Variants in GALNT17 observed in about 807,000 individuals in gnomAD.
GALNT17 encodes UDP-GalNAc:polypeptide N-acetylgalactosaminyltransferase-like 3.
Under a neutral mutation model 63.7 loss-of-function variants are expected in GALNT17, and 29 were observed. That is an observed-to-expected ratio of 0.46 (90% CI 0.34 to 0.62). The LOEUF is 0.62. Among genes scored for constraint, GALNT17 ranks in the 20% least tolerant of loss-of-function variants. The pLI is 0.01. For synonymous variants in GALNT17, 305 were observed against 318.3 expected (o/e 0.96, Z 0.45); for missense variants, 603 against 799.6 (o/e 0.75, Z 2.97).
intron 6 of GALNT17, among the ~76,000 whole-genome samples, chr7:71,621,552 T>TTGTGG (rs1562713280): frequency 1.8e-5 from 2 of 109,458 alleles, no homozygotes; most frequent in African/African-American, 6.9e-5. Context: ...GATTGATGGA[T>TTGTGG]AGATGGATGG....
intron 1 of GALNT17, among the ~76,000 whole-genome samples, chr7:71,264,589 A>G (rs1394805977): frequency 6.6e-6 from 1 of 152,184 alleles, no homozygotes; most frequent in African/African-American, 2.4e-5. Flanking sequence ...GTGTCCAGCA[A>G]CAGAGGAATG....
intron 1 of GALNT17, among the ~76,000 whole-genome samples, chr7:71,271,786 G>A (rs564866828): frequency 1.8e-4 from 28 of 152,260 alleles, no homozygotes; most frequent in African/African-American, 5.5e-4. Flanking sequence ...TGGGGACAGG[G>A]TCTCACTCTG....
chr7:71,268,730 A>G (rs73370009), intron 1 of GALNT17, among the ~76,000 whole-genome samples: 3,730 of 152,098 alleles, frequency 0.025, 137 homozygotes, highest in African/African-American at 0.084. Context: ...TCTTGGGATC[A>G]CCTGAAATAG....
chr7:71,633,103 CAAAAAAAAA>C (rs71089970), intron 6 of GALNT17, among the ~76,000 whole-genome samples: 155 of 72,364 alleles, frequency 2.1e-3, no homozygotes, highest in Non-Finnish European at 3.2e-3. Flanking sequence ...GACTCTGTCT[CAAAAAAAAA>C]AAAAAAAAAA....
In GALNT17 at chr7:71,388,244, G is replaced by A. The variant is rs1792984882; in HGVS notation, c.432G>A (p.Glu144=). The A allele has an allele frequency of 1.2e-6, 2 of 1,613,720 alleles. No individual in the cohort carries two copies. Among genetic ancestry groups the A allele is most frequent in the Non-Finnish European group, 8.5e-7 (1 of 1,179,836 alleles). ...IPDYRPTKCK[E]LKYSKDLPQI... ...ATCTCTCCTTCCCCAGGTGTAAGGA[G>A]CTCAAGTACTCCAAGGACCTGCCCC... Residue 144 remains glutamate, a synonymous_variant, in exon 3 of 11, where the codon GAG becomes GAA. Transcript: ENST00000333538.
At chr7:71,273,968 A>G (rs530752147) in intron 1 of GALNT17, among the ~76,000 whole-genome samples, 111 of 152,364 alleles carry the variant, frequency 7.3e-4, no homozygotes, top group Admixed American at 2.9e-3. Context: ...GTGCACCCAC[A>G]GAAAAATGCC....
At chr7:71,377,105 AATAAAAAAAATATATATAT>A (rs1277218400) in intron 2 of GALNT17, among the ~76,000 whole-genome samples, 7 of 64,734 alleles carry the variant, frequency 1.1e-4, no homozygotes, top group African/African-American at 1.6e-4. Flanking sequence ...AAAAAATAAA[AATAAAAAAAATATATATAT>A]ATATATATAT....
rs1486007625 is a variant in GALNT17 at position 71,238,774 on chromosome 7, C to T, written c.239-96776C>T. The stretch of plus-strand genomic sequence containing the variant: ...CATTTATACCCTTGTTAATCCTCTC[C>T]CCTGGAATGTGGGTGGGACCTATTG... On this transcript the variant is annotated intron_variant, in intron 1 of 10. Transcript: ENST00000333538. 2.0e-5 allele frequency among the ~76,000 whole-genome samples: 3 copies of T among 152,152 alleles called. No homozygotes were observed. In the East Asian group the frequency reaches 5.8e-4, roughly 29 times the overall value.
At chr7:71,203,381 C>A (rs1174196032) in intron 1 of GALNT17, among the ~76,000 whole-genome samples, 1 of 152,104 alleles carries the variant, frequency 6.6e-6, no homozygotes, top group Non-Finnish European at 1.5e-5. Flanking sequence ...TTTGCATTTC[C>A]CTGATGATTA....
At chr7:71,620,694 G>A (rs1012510941) in intron 6 of GALNT17, among the ~76,000 whole-genome samples, 6 of 152,186 alleles carry the variant, frequency 3.9e-5, no homozygotes, top group Admixed American at 1.3e-4. Context: ...GTCAGTGTAC[G>A]TGGGATATCT....
chr7:71,193,099 A>ATTTG (rs1788983525), intron 1 of GALNT17, among the ~76,000 whole-genome samples: 1 of 142,358 alleles, frequency 7.0e-6, no homozygotes, highest in Admixed American at 6.8e-5. Flanking sequence ...TTATTTATTT[A>ATTTG]TTTATTTATT....
intron 2 of GALNT17, among the ~76,000 whole-genome samples, chr7:71,353,022 A>G (rs990243134): frequency 6.6e-6 from 1 of 152,082 alleles, no homozygotes; most frequent in Admixed American, 6.6e-5. Flanking sequence ...ATGAGAGAGC[A>G]AAATGACTAC....
chr7:71,705,763 GGA>G (rs766485387), intron 9 of GALNT17, among the ~76,000 whole-genome samples: 17 of 152,160 alleles, frequency 1.1e-4, no homozygotes, highest in Non-Finnish European at 2.1e-4. Flanking sequence ...ACATTGTGCA[GGA>G]GAGAGAATCA....
At chr7:71,709,642 G>A (rs893164968) in intron 9 of GALNT17, among the ~76,000 whole-genome samples, 1 of 151,440 alleles carries the variant, frequency 6.6e-6, no homozygotes, top group African/African-American at 2.4e-5. Flanking sequence ...CTGTTGCCCA[G>A]GCTGGAGTGC....
chr7:71,396,991 A>G (rs1375296315), intron 3 of GALNT17, among the ~76,000 whole-genome samples: 1 of 152,084 alleles, frequency 6.6e-6, no homozygotes, highest in Non-Finnish European at 1.5e-5. Flanking sequence ...GAACTTGATT[A>G]TTAGCTCCAG....
chr7:71,501,372 C>T (rs1370517916), intron 5 of GALNT17, among the ~76,000 whole-genome samples: 1 of 152,160 alleles, frequency 6.6e-6, no homozygotes, highest in Non-Finnish European at 1.5e-5. Context: ...TCAAGTGATC[C>T]TCCAGCCTCA....
At chr7:71,187,901 A>T (rs1378083427) in intron 1 of GALNT17, among the ~76,000 whole-genome samples, 1 of 152,182 alleles carries the variant, frequency 6.6e-6, no homozygotes, top group East Asian at 1.9e-4. Flanking sequence ...TGAGTCTCCA[A>T]AGTCCATTGT....
chr7:71,675,826 A>G (rs1791141643), intron 8 of GALNT17, among the ~76,000 whole-genome samples: 1 of 152,116 alleles, frequency 6.6e-6, no homozygotes, highest in Admixed American at 6.6e-5. Flanking sequence ...ATCTCTGCTA[A>G]AAATACAAAA....
At chr7:71,463,814 A>G (rs1787491675) in intron 5 of GALNT17, among the ~76,000 whole-genome samples, 1 of 152,196 alleles carries the variant, frequency 6.6e-6, no homozygotes, top group Non-Finnish European at 1.5e-5. Context: ...GTTAGCATAT[A>G]ATGAGCAGTG....
Sources: allele counts gnomAD v4.1 joint callset (sites outside exome capture counted in the v4.1 genomes callset), GRCh38; gene constraint gnomAD v4.1.1; transcripts MANE v1.5; gene names NCBI Gene and HGNC (gene_info 2026-07-23, HGNC 2026-07-21).